Variants in SCFD1 observed in about 807,000 individuals in gnomAD.
SCFD1 encodes sec1 family domain-containing protein 1.
In SCFD1, 37 loss-of-function variants were observed where a neutral mutation model predicts 103.2. The ratio of observed to expected loss-of-function variants is 0.36; its 90% CI spans 0.28 to 0.47. The LOEUF is 0.47. SCFD1 is among the 20% of genes least tolerant of loss of function. The probability of loss-of-function intolerance (pLI) is 1.00; values close to 1 mark genes in which losing one functional copy is unlikely to be tolerated. For synonymous variants in SCFD1, 264 were observed against 245.0 expected, an observed-to-expected ratio of 1.08 and a Z score of -0.73; for missense variants, 639 against 761.2, an observed-to-expected ratio of 0.84 and a Z score of 1.89.
intron 1 of SCFD1, 50 bp from the exon 2 acceptor site, chr14:30,628,159 T>C (rs1363008644): frequency 7.1e-7 from 1 of 1,409,192 alleles, no homozygotes; most frequent in East Asian, 2.3e-5. Flanking sequence ...GGAGGAAAAA[T>C]AAAATCCTAA....
Position 30,709,069 on chromosome 14 carries a change from T to G in SCFD1, c.1629+1004T>G, listed in dbSNP as rs550261051. On this transcript the variant is annotated intron_variant, in intron 19 of 24. Transcript: ENST00000458591. The stretch of plus-strand genomic sequence containing the variant: ...TTTTTTATTTACTTTTACTGGAATA[T>G]TTTAAGGCAAAACTGAGATAATATT... 1.0e-3 allele frequency among the ~76,000 whole-genome samples: 152 copies of G among 152,316 alleles called. 1 individual carries two copies. Among genetic ancestry groups the G allele is most frequent in the Middle Eastern group, 3.4e-3 (1 of 294 alleles).
intron 9 of SCFD1, among the ~76,000 whole-genome samples, chr14:30,651,542 GA>G (rs1886389800): frequency 6.7e-6 from 1 of 149,508 alleles, no homozygotes; most frequent in Non-Finnish European, 1.5e-5. Flanking sequence ...TTAGGTAGAA[GA>G]AAAACATCAA....
chr14:30,649,555 G>C lies in SCFD1; in HGVS notation c.641G>C (p.Arg214Thr). The C allele has an allele frequency of 3.8e-6, 6 of 1,575,464 alleles. No individual in the cohort carries two copies. Among genetic ancestry groups the C allele is most frequent in the Non-Finnish European group, 5.1e-6 (6 of 1,167,954 alleles). The change falls in exon 8 of 25, where the codon AGA (arginine) becomes ACA (threonine). Residue 214 changes from arginine (R) to threonine (T), a missense_variant. Coordinates refer to ENST00000458591, the MANE Select transcript of SCFD1 (RefSeq NM_016106.4). ...LGAVPIIRCS[R>T]GTAAEMVAVK... is the part of the protein sequence containing the mutation. ...GCTGTTCCTATAATCAGATGTTCAA[G>C]AGGAACAGCAGCAGAAATGGTAGCA...
At chr14:30,646,002 AT>A (rs767579483) in intron 7 of SCFD1, among the ~76,000 whole-genome samples, 5 of 151,808 alleles carry the variant, frequency 3.3e-5, no homozygotes, top group Admixed American at 2.6e-4. Flanking sequence ...TCATTGCCTA[AT>A]TTGTTGAGGG....
intron 14 of SCFD1, among the ~76,000 whole-genome samples, chr14:30,678,834 G>C (rs755993493): frequency 2.6e-5 from 4 of 152,148 alleles, no homozygotes; most frequent in Non-Finnish European, 5.9e-5. Flanking sequence ...TGTGAGGCAA[G>C]GCTTAATTGT....
At chr14:30,694,648 T>C (rs761137630) in intron 14 of SCFD1, 125 bp from the exon 15 acceptor site, 1 of 1,326,996 alleles carries the variant, frequency 7.5e-7, no homozygotes, top group Non-Finnish European at 9.8e-7. Flanking sequence ...TGAACTGTAC[T>C]TTTGACCTGT....
intron 2 of SCFD1, among the ~76,000 whole-genome samples, chr14:30,628,620 C>T (rs1883773845): frequency 6.6e-6 from 1 of 152,074 alleles, no homozygotes; most frequent in Non-Finnish European, 1.5e-5. Context: ...ATTCAGAGGG[C>T]CTGGATTATT....
intron 5 of SCFD1, 84 bp from the exon 6 acceptor site, chr14:30,639,689 TACCA>T: frequency 7.6e-7 from 1 of 1,320,224 alleles, no homozygotes; most frequent in Non-Finnish European, 9.9e-7. Context: ...TTTTCATTTC[TACCA>T]TTGGTAGGTT....
intron 20 of SCFD1, among the ~76,000 whole-genome samples, chr14:30,716,679 C>CTAT (rs1292503873): frequency 1.3e-5 from 2 of 152,168 alleles, no homozygotes; most frequent in East Asian, 3.8e-4. Context: ...ATCTAAAACC[C>CTAT]TATAGATTTG....
chr14:30,696,835 A>G (rs556382198), intron 15 of SCFD1, among the ~76,000 whole-genome samples: 35 of 152,348 alleles, frequency 2.3e-4, no homozygotes, highest in Non-Finnish European at 4.1e-4. Context: ...CAGCAAGCCC[A>G]TGGAAGCAGA....
At chr14:30,672,157 C>A (rs1288739429) in intron 11 of SCFD1, among the ~76,000 whole-genome samples, 1 of 152,054 alleles carries the variant, frequency 6.6e-6, no homozygotes, top group Non-Finnish European at 1.5e-5. Flanking sequence ...TCCAGTTCAA[C>A]CCACACATTT....
rs2273518 is a variant in SCFD1 at position 30,719,627 on chromosome 14, G to A, written c.1736+250G>A. The stretch of plus-strand genomic sequence containing the variant: ...TTACTGGTGTTTTTATGAAATGGTG[G>A]AGGTATTAGAAACTAATTGTGGGTG... On this transcript the variant is annotated intron_variant, in intron 21 of 24. Transcript: ENST00000458591. 0.25 allele frequency among the ~76,000 whole-genome samples: 37,306 copies of A among 151,904 alleles called. 5,521 individuals carry two copies. Among genetic ancestry groups the A allele is most frequent in the Non-Finnish European group, 0.34 (22,881 of 67,884 alleles).
intron 20 of SCFD1, among the ~76,000 whole-genome samples, chr14:30,718,970 G>A (rs1354805544): frequency 6.6e-6 from 1 of 152,138 alleles, no homozygotes; most frequent in African/African-American, 2.4e-5. Flanking sequence ...TCTCTGGCAT[G>A]GTAATTAAGA....
At chr14:30,623,410 A>G (rs1883059315) in intron 1 of SCFD1, among the ~76,000 whole-genome samples, 1 of 152,244 alleles carries the variant, frequency 6.6e-6, no homozygotes, top group South Asian at 2.1e-4. Flanking sequence ...TTTAGTAATG[A>G]CACACAAAAG....
At chr14:30,642,515 A>G (rs1885385126) in intron 6 of SCFD1, among the ~76,000 whole-genome samples, 1 of 152,186 alleles carries the variant, frequency 6.6e-6, no homozygotes, top group Non-Finnish European at 1.5e-5. Context: ...TGATTCTTAT[A>G]CTCAGTAAAG....
At chr14:30,665,002 C>T (rs1023704056) in intron 10 of SCFD1, among the ~76,000 whole-genome samples, 12 of 152,260 alleles carry the variant, frequency 7.9e-5, no homozygotes, top group Admixed American at 5.2e-4. Context: ...ACTTCCCCAA[C>T]CTAGCAAGAC....
At chr14:30,627,955 T>C (rs1485238049) in intron 1 of SCFD1, among the ~76,000 whole-genome samples, 1 of 152,100 alleles carries the variant, frequency 6.6e-6, no homozygotes, top group Non-Finnish European at 1.5e-5. Flanking sequence ...AAGTTCTTCC[T>C]GAACATTTCC....
At chr14:30,683,834 A>G (rs1889698509) in intron 14 of SCFD1, among the ~76,000 whole-genome samples, 1 of 152,222 alleles carries the variant, frequency 6.6e-6, no homozygotes, top group African/African-American at 2.4e-5. Flanking sequence ...AAGGAGGTAT[A>G]ACTCTTTATT....
At chr14:30,722,609 A>C (rs756057264) in intron 23 of SCFD1, 50 bp downstream of exon 23, 6 of 1,180,938 alleles carry the variant, frequency 5.1e-6, no homozygotes, top group Non-Finnish European at 7.4e-6. Context: ...TTTCATAGGT[A>C]GAACACTAGC....
Sources: allele counts gnomAD v4.1 joint callset (sites outside exome capture counted in the v4.1 genomes callset), GRCh38; gene constraint gnomAD v4.1.1; transcripts MANE v1.5; gene names NCBI Gene and HGNC (gene_info 2026-07-23, HGNC 2026-07-21).